TDRD1: variants seen among roughly 807,000 people sequenced by gnomAD.
The protein encoded by TDRD1 is tudor domain containing 1, also known as tudor domain-containing protein 1.
A neutral mutation model predicts 140.6 loss-of-function variants in TDRD1; 37 were observed. The ratio of observed to expected loss-of-function variants is 0.26; its 90% CI spans 0.20 to 0.35. The LOEUF is 0.35. Among genes scored for constraint, TDRD1 ranks in the 10% least tolerant of loss-of-function variants. The probability of loss-of-function intolerance (pLI) is 1.00; values close to 1 mark genes in which losing one functional copy is unlikely to be tolerated. For synonymous variants in TDRD1, 506 were observed against 475.7 expected (o/e 1.06, Z -0.83); for missense variants, 1,243 against 1,393.0 (o/e 0.89, Z 1.71).
intron 17 of TDRD1, among the ~76,000 whole-genome samples, chr10:114,217,975 A>G (rs2035918117): frequency 6.6e-6 from 1 of 152,210 alleles, no homozygotes; most frequent in African/African-American, 2.4e-5. Flanking sequence ...TATTTACAGT[A>G]TTTTGAAAAT....
At chr10:114,188,732 C>T (rs1589659644) in intron 2 of TDRD1, among the ~76,000 whole-genome samples, 4 of 152,132 alleles carry the variant, frequency 2.6e-5, no homozygotes, top group Admixed American at 2.6e-4. Context: ...TGGCACAAGC[C>T]TGTAGTCCCA....
Position 114,217,654 on chromosome 10 carries a change from AG to A in TDRD1, c.2323+1del. The A allele has an allele frequency of 6.4e-7, 1 of 1,559,008 alleles. No homozygotes were observed. The highest frequency in any genetic ancestry group is 8.8e-7 in the Non-Finnish European group (1 of 1,136,266). On this transcript the variant is annotated frameshift_variant and splice_region_variant, in exon 17 of 26. Coordinates refer to ENST00000251864, the Ensembl canonical transcript of TDRD1. LOFTEE classifies it high-confidence loss of function. ...GACAACCTTGTTGTGCTTTTTTTGC[AG>A]GTAAGTTGCAATTGATGCAATCTTG...
At chr10:114,222,093 CTG>C (rs1163690648) in intron 20 of TDRD1, among the ~76,000 whole-genome samples, 1 of 152,152 alleles carries the variant, frequency 6.6e-6, no homozygotes, top group Non-Finnish European at 1.5e-5. Flanking sequence ...AAAGTTAGAA[CTG>C]TGGTAATGCC....
chr10:114,194,706 T>C (rs1372359385), intron 3 of TDRD1, among the ~76,000 whole-genome samples: 1 of 151,584 alleles, frequency 6.6e-6, no homozygotes, highest in Non-Finnish European at 1.5e-5. Flanking sequence ...GGCATGTTTT[T>C]TTGTCATTGT....
intron 11 of TDRD1, among the ~76,000 whole-genome samples, chr10:114,208,227 G>A (rs1382235297): frequency 1.3e-5 from 2 of 152,184 alleles, no homozygotes; most frequent in Non-Finnish European, 2.9e-5. Context: ...GGTCGCAGGA[G>A]CTGTGTTAAG....
intron 22 of TDRD1, 22 bp downstream of exon 22, chr10:114,226,238 C>T (rs759748075): frequency 1.4e-5 from 22 of 1,567,228 alleles, no homozygotes; most frequent in Admixed American, 1.9e-5. Context: ...AGTCACTTTC[C>T]AATTTAGGTT....
At chr10:114,190,978 C>T in exon 3 of TDRD1, 3 of 1,614,056 alleles carry the variant, frequency 1.9e-6, no homozygotes, top group South Asian at 1.1e-5. Context: ...AGTGTCACCA[C>T]CAAGTGCTGA....
At chr10:114,201,656 T>A in intron 5 of TDRD1, 141 bp downstream of exon 5, 1 of 608,284 alleles carries the variant, frequency 1.6e-6, no homozygotes. Context: ...AAATCTGAAG[T>A]GAACAGCTCT....
At chr10:114,196,145 A>G (rs2034331536) in intron 3 of TDRD1, among the ~76,000 whole-genome samples, 4 of 152,190 alleles carry the variant, frequency 2.6e-5, no homozygotes, top group Non-Finnish European at 5.9e-5. Flanking sequence ...GTACTTACTG[A>G]TAGGTTTCAT....
chr10:114,185,571 T>C (rs2033451843), intron 1 of TDRD1, among the ~76,000 whole-genome samples: 1 of 152,284 alleles, frequency 6.6e-6, no homozygotes, highest in Middle Eastern at 3.4e-3. Flanking sequence ...GCTACTGATA[T>C]TAACATTATA....
intron 1 of TDRD1, among the ~76,000 whole-genome samples, chr10:114,181,095 C>T (rs930197195): frequency 1.3e-5 from 2 of 152,146 alleles, no homozygotes; most frequent in African/African-American, 4.8e-5. Flanking sequence ...AAGCTGAGCC[C>T]TCATTTTTGC....
chr10:114,209,020 G>A (rs1193287016), intron 11 of TDRD1, among the ~76,000 whole-genome samples: 2 of 152,026 alleles, frequency 1.3e-5, no homozygotes, highest in Admixed American at 6.6e-5. Context: ...CTGACCTCGT[G>A]AACTGCCCGC....
chr10:114,221,504 T>G (rs1325600678), intron 20 of TDRD1, 28 bp downstream of exon 20: 38 of 1,603,570 alleles, frequency 2.4e-5, no homozygotes, highest in Non-Finnish European at 3.2e-5. Context: ...GAGACATATT[T>G]ATGCTCATCT....
chr10:114,204,507 A>G (rs1169316110), intron 9 of TDRD1, among the ~76,000 whole-genome samples: 1 of 152,230 alleles, frequency 6.6e-6, no homozygotes, highest in Non-Finnish European at 1.5e-5. Context: ...TTATTCTTTC[A>G]TAAATTTCTC....
At chr10:114,212,562 A>G (rs1386583070) in intron 14 of TDRD1, among the ~76,000 whole-genome samples, 2 of 152,186 alleles carry the variant, frequency 1.3e-5, no homozygotes, top group African/African-American at 4.8e-5. Context: ...TGAAATTTCA[A>G]TTCGCCTCAT....
rs2035656353 is a variant in TDRD1 at position 114,214,095 on chromosome 10, C to T, written c.2193C>T (p.Cys731=). 4 of 1,613,276 alleles carry T rather than the reference C, an allele frequency of 2.5e-6. No individual in the cohort carries two copies. The East Asian group carries it at 8.9e-5, about 36-fold the overall frequency. The change falls in exon 16 of 26, where the codon TGC becomes TGT. Residue 731 remains cysteine, a synonymous_variant. Transcript: ENST00000251864. Reference sequence around the variant, plus strand: ...TATATAGTCCTGGAGAATTTTATTGCCATGTGCTTAAAGAGGATGGTAAGT... The same window carrying T: ...TATATAGTCCTGGAGAATTTTATTGTCATGTGCTTAAAGAGGATGGTAAGT...
chr10:114,217,617 A>G, exon 17 of TDRD1: 1 of 1,605,466 alleles, frequency 6.2e-7, no homozygotes, highest in East Asian at 2.3e-5. Flanking sequence ...AATGGTTTCA[A>G]GGCAGAGATA....
intron 20 of TDRD1, 27 bp from the exon 21 acceptor site, chr10:114,222,560 A>G: frequency 6.8e-7 from 1 of 1,475,546 alleles, no homozygotes; most frequent in Non-Finnish European, 9.4e-7. Flanking sequence ...AATTTTCTTC[A>G]CAAAAGATTG....
At chr10:114,181,438 A>G (rs984362853) in intron 1 of TDRD1, among the ~76,000 whole-genome samples, 2 of 152,202 alleles carry the variant, frequency 1.3e-5, no homozygotes, top group Non-Finnish European at 2.9e-5. Context: ...CTAAAGCCTG[A>G]GGTTGGGAAT....
Sources: allele counts gnomAD v4.1 joint callset (sites outside exome capture counted in the v4.1 genomes callset), GRCh38; gene constraint gnomAD v4.1.1; transcripts MANE v1.5; gene names NCBI Gene and HGNC (gene_info 2026-07-23, HGNC 2026-07-21).